NBPF15: variants seen among roughly 807,000 people sequenced by gnomAD.
NBPF15 encodes NBPF family member NBPF15.
Under a neutral mutation model 62.2 loss-of-function variants are expected in NBPF15, and 74 were observed. That is an observed-to-expected ratio of 1.19 (90% CI 0.99 to 1.44). NBPF15 has a LOEUF of 1.44. Ranked by LOEUF, NBPF15 falls within the 40% of genes most tolerant of loss-of-function variation. The pLI, the probability that NBPF15 is intolerant of heterozygous loss-of-function variation, is 0.00. For synonymous variants in NBPF15, 244 were observed against 209.7 expected, an observed-to-expected ratio of 1.16 and a Z score of -1.41; for missense variants, 790 against 550.0, an observed-to-expected ratio of 1.44 and a Z score of -4.36.
chr1:144,452,403 C>T (rs587636747), intron 4 of NBPF15, among the ~76,000 whole-genome samples: 28 of 151,854 alleles, frequency 1.8e-4, no homozygotes, highest in African/African-American at 2.4e-4. Flanking sequence ...TGTCACAAAA[C>T]GAACACAATA....
chr1:144,431,022 G>A (rs1673833087), intron 13 of NBPF15, among the ~76,000 whole-genome samples: 2 of 151,906 alleles, frequency 1.3e-5, no homozygotes, highest in South Asian at 4.2e-4. Flanking sequence ...GAGAAGTTTA[G>A]AGAAAAAAGA....
chr1:144,440,331 G>A, intron 6 of NBPF15, 36 bp from the exon 7 acceptor site: 2 of 1,222,082 alleles, frequency 1.6e-6, no homozygotes, highest in Non-Finnish European at 2.2e-6. Context: ...AGGTGGGGGT[G>A]TCATGGAATC....
At chr1:144,451,112 AG>A (rs1553545386) in intron 4 of NBPF15, among the ~76,000 whole-genome samples, 1 of 151,842 alleles carries the variant, frequency 6.6e-6, no homozygotes. Context: ...GGGATGTGGC[AG>A]GACAATAGGA....
intron 4 of NBPF15, among the ~76,000 whole-genome samples, chr1:144,452,519 A>C (rs1160128612): frequency 6.6e-6 from 1 of 151,514 alleles, no homozygotes; most frequent in Non-Finnish European, 1.5e-5. Context: ...GGGATTAGGA[A>C]ATGACTACAA....
intron 4 of NBPF15, among the ~76,000 whole-genome samples, 189 bp downstream of exon 4, chr1:144,456,348 G>T (rs1647795455): frequency 6.6e-6 from 1 of 152,010 alleles, no homozygotes; most frequent in Non-Finnish European, 1.5e-5. Flanking sequence ...CGACGGCACT[G>T]CAGGTCGAGG....
intron 21 of NBPF15, among the ~76,000 whole-genome samples, chr1:144,423,628 T>C (rs1489060098): frequency 1.1e-4 from 16 of 152,180 alleles, no homozygotes; most frequent in African/African-American, 3.1e-4. Flanking sequence ...GCTCAAAATT[T>C]GATGCAGTGG....
rs1338561569 is a variant in NBPF15 at position 144,440,757 on chromosome 1, A to G, written c.-190-462T>C. Among the ~76,000 whole-genome samples the G allele has an allele frequency of 6.8e-4, 100 of 146,712 alleles. 1 individual carries two copies. Among genetic ancestry groups the G allele is most frequent in the Middle Eastern group, 3.8e-3 (1 of 266 alleles). ...AAGCTCTGCCTCCCAGGTTCACGCT[A>G]TTCTCCTGCCTCAGACTCCCAAGTA... On this transcript the variant is annotated intron_variant, in intron 6 of 21. Coordinates refer to ENST00000581897, the MANE Select transcript of NBPF15 (RefSeq NM_001385408.1).
At chr1:144,446,477 C>T (rs1339569961) in intron 6 of NBPF15, among the ~76,000 whole-genome samples, 2 of 152,300 alleles carry the variant, frequency 1.3e-5, no homozygotes, top group African/African-American at 2.4e-5. Flanking sequence ...AGAGTAACAA[C>T]AGGTATTCTA....
rs1448331775 is a variant in NBPF15 at position 144,427,980 on chromosome 1, C to T, written c.1051G>A (p.Glu351Lys). 9.2e-6 allele frequency: 7 copies of T among 763,724 alleles called. No homozygotes were observed. Among genetic ancestry groups the T allele is most frequent in the African/African-American group, 6.8e-5 (4 of 58,446 alleles). 47.3% of individuals were successfully genotyped at this position (763,724 alleles called of 1,614,324 possible). A position where few individuals can be genotyped will look rare whatever the true frequency, so the allele number is the denominator to read the frequency against. Residue 351 changes from glutamate (E) to lysine (K), a missense_variant, in exon 16 of 22, where the codon GAG becomes AAG. Coordinates refer to ENST00000581897, the MANE Select transcript of NBPF15 (RefSeq NM_001385408.1). ...TCAGGCTCTTTCTCATCCAGCAGCT[C>T]CCTGCTGAGCCTGGAAAAGTGGGAA... The part of the protein sequence containing the change: ...QEATGPRLSR[E>K]LLDEKEPEVL...
chr1:144,444,913 G>C (rs1686174840), intron 6 of NBPF15, among the ~76,000 whole-genome samples: 1 of 151,926 alleles, frequency 6.6e-6, no homozygotes, highest in Non-Finnish European at 1.5e-5. Context: ...CTGTCTATCT[G>C]ATTTGTGTTA....
chr1:144,432,410 A>T (rs1558603417), intron 13 of NBPF15, among the ~76,000 whole-genome samples: 2 of 152,076 alleles, frequency 1.3e-5, no homozygotes, highest in Admixed American at 1.3e-4. Context: ...CTAACGGGCG[A>T]AATAACCAGC....
In NBPF15 at chr1:144,427,999, G is replaced by T; in HGVS notation, c.1041-9C>A. 2.7e-6 allele frequency: 2 copies of T among 742,924 alleles called. No homozygotes were observed. The highest frequency in any genetic ancestry group is 2.5e-5 in the East Asian group (1 of 39,808). 46.0% of individuals were successfully genotyped at this position (742,924 alleles called of 1,614,324 possible). On this transcript the variant is annotated splice_polypyrimidine_tract_variant and intron_variant, in intron 15 of 21. Coordinates refer to ENST00000581897, the MANE Select transcript of NBPF15 (RefSeq NM_001385408.1). ...GCAGCTCCCTGCTGAGCCTGGAAAA[G>T]TGGGAAAAAGTAAAGAATAAGCCAG...
intron 20 of NBPF15, 148 bp downstream of exon 20, chr1:144,424,542 C>A: frequency 1.6e-6 from 1 of 630,224 alleles, no homozygotes; most frequent in South Asian, 2.0e-5. Flanking sequence ...CCAGGTAGAA[C>A]TAGAGTTTCA....
chr1:144,435,104 AG>A lies in NBPF15; in HGVS notation c.772+6del, dbSNP rs1677249620. 6.2e-7 allele frequency: 1 copy of A among 1,612,534 alleles called. No individual in the cohort carries two copies. The highest frequency in any genetic ancestry group is 1.7e-5 in the Admixed American group (1 of 59,978). On this transcript the variant is annotated splice_donor_region_variant and intron_variant, in intron 12 of 21. Transcript: ENST00000581897. ...GAGGTATGAGACACAAGGAAAACAG[AG>A]GCTACCTGGAATAATGTGTACAGCA...
intron 4 of NBPF15, among the ~76,000 whole-genome samples, chr1:144,451,976 T>A (rs868936332): frequency 1.1e-4 from 16 of 151,506 alleles, no homozygotes; most frequent in East Asian, 1.9e-4. Flanking sequence ...ACATGAAGAA[T>A]CCCTGTCTCT....
intron 6 of NBPF15, among the ~76,000 whole-genome samples, chr1:144,442,328 T>C (rs1215561982): frequency 3.0e-5 from 4 of 133,968 alleles, no homozygotes; most frequent in African/African-American, 5.5e-5. Context: ...TATATATATA[T>C]ACACGTGTGC....
rs587652655 is a variant in NBPF15 at position 144,457,194 on chromosome 1, C to T, written c.-700-389G>A. Among the ~76,000 whole-genome samples, 96 of 151,970 alleles carry T rather than the reference C, an allele frequency of 6.3e-4. 2 individuals carry two copies. Among genetic ancestry groups the T allele is most frequent in the Non-Finnish European group, 9.3e-4 (63 of 67,948 alleles). On this transcript the variant is annotated intron_variant, in intron 3 of 21. Transcript: ENST00000581897. ...GAGTCCTGACTAAATACTTGAGTAGCCAGGGAAGTTTTCACAAAGTAATAC... is the reference window on the plus strand; with the variant it reads ...GAGTCCTGACTAAATACTTGAGTAGTCAGGGAAGTTTTCACAAAGTAATAC...
chr1:144,431,598 C>G (rs1452170419), intron 13 of NBPF15, among the ~76,000 whole-genome samples: 5 of 138,716 alleles, frequency 3.6e-5, no homozygotes, highest in Non-Finnish European at 7.8e-5. Context: ...CCCATTAACT[C>G]ATCATTTAAC....
intron 6 of NBPF15, among the ~76,000 whole-genome samples, chr1:144,441,393 T>C (rs1682822818): frequency 6.6e-6 from 1 of 151,816 alleles, no homozygotes; most frequent in Admixed American, 6.6e-5. Flanking sequence ...AATTTGGTTT[T>C]CTCATGCCTA....
Sources: allele counts gnomAD v4.1 joint callset (sites outside exome capture counted in the v4.1 genomes callset), GRCh38; gene constraint gnomAD v4.1.1; transcripts MANE v1.5; gene names NCBI Gene and HGNC (gene_info 2026-07-23, HGNC 2026-07-21).